TNRC6B: variants seen among roughly 807,000 people sequenced by gnomAD.
TNRC6B encodes the protein trinucleotide repeat containing adaptor 6B.
A neutral mutation model predicts 203.6 loss-of-function variants in TNRC6B; 52 were observed. The observed-to-expected ratio is 0.26, with a 90% CI of 0.20 to 0.32. The LOEUF is 0.32. Ranked by LOEUF, TNRC6B falls within the 10% of genes least tolerant of loss-of-function variation. TNRC6B has a pLI of 1.00. For synonymous variants in TNRC6B, 838 were observed against 845.7 expected (o/e 0.99, Z 0.16); for missense variants, 1,923 against 2,286.2 (o/e 0.84, Z 3.24).
chr22:40,168,479 G>A (rs1243001629), intron 4 of TNRC6B, among the ~76,000 whole-genome samples: 11 of 152,102 alleles, frequency 7.2e-5, no homozygotes, highest in Non-Finnish European at 1.3e-4. Flanking sequence ...TCCTCCAAAC[G>A]CAGATTTAAC....
chr22:40,305,942 T>C (rs1269394880), intron 15 of TNRC6B, among the ~76,000 whole-genome samples: 1 of 152,192 alleles, frequency 6.6e-6, no homozygotes, highest in Non-Finnish European at 1.5e-5. Context: ...GCTATAACTT[T>C]AATTTTCTGC....
intron 2 of TNRC6B, among the ~76,000 whole-genome samples, chr22:40,123,386 A>G (rs1218149308): frequency 2.0e-5 from 3 of 152,222 alleles, no homozygotes; most frequent in Admixed American, 1.3e-4. Context: ...GCCAAATAGG[A>G]GAATCCAGAA....
At chr22:40,051,231 G>A (rs1357396214) in intron 1 of TNRC6B, among the ~76,000 whole-genome samples, 1 of 152,160 alleles carries the variant, frequency 6.6e-6, no homozygotes, top group African/African-American at 2.4e-5. Flanking sequence ...AATTGCTGAA[G>A]AGGACACCAA....
intron 18 of TNRC6B, 125 bp from the exon 19 acceptor site, chr22:40,312,777 A>G: frequency 6.8e-7 from 1 of 1,480,712 alleles, no homozygotes; most frequent in Non-Finnish European, 9.3e-7. Context: ...ATTGCTTTTC[A>G]CTTTTATTTG....
chr22:40,074,069 CA>C (rs34190410), intron 1 of TNRC6B, among the ~76,000 whole-genome samples: 38,068 of 95,332 alleles, frequency 0.4, 7,235 homozygotes, highest in African/African-American at 0.64. Context: ...AACTCCATCT[CA>C]AAAAAAAAAA....
chr22:40,225,640 G>A (rs1269799958), intron 1 of TNRC6B, among the ~76,000 whole-genome samples: 3 of 151,158 alleles, frequency 2.0e-5, no homozygotes, highest in African/African-American at 7.3e-5. Flanking sequence ...CTACGCGGGA[G>A]GCTGAGGCAG....
Position 40,262,246 on chromosome 22 carries a change from A to G in TNRC6B, c.457+73A>G. 20 of 1,273,592 alleles carry G rather than the reference A, an allele frequency of 1.6e-5. No homozygotes were observed. In the Middle Eastern group the frequency reaches 1.3e-3, roughly 83 times the overall value. The allele number at this position is 1,273,592 out of a possible 1,614,324, so 78.9% of individuals were successfully genotyped here. On this transcript the variant is annotated intron_variant, in intron 4 of 22. Transcript: ENST00000454349. ...GCACTTTGTTTGCATTGCTTGATGT[A>G]AAGTCCAGGAAAGCCATTCATTATA...
intron 4 of TNRC6B, among the ~76,000 whole-genome samples, chr22:40,165,073 C>T (rs764940826): frequency 1.3e-5 from 2 of 150,308 alleles, no homozygotes; most frequent in Non-Finnish European, 3.0e-5. Flanking sequence ...TGAGCCACCG[C>T]ACCCACCCCT....
intron 1 of TNRC6B, among the ~76,000 whole-genome samples, chr22:40,098,053 G>A (rs558289076): frequency 2.8e-4 from 43 of 151,322 alleles, no homozygotes; most frequent in Admixed American, 9.9e-4. Context: ...TACTTGTGAG[G>A]TGTGTGTGTG....
intron 15 of TNRC6B, among the ~76,000 whole-genome samples, chr22:40,306,189 A>C (rs2071085769): frequency 1.3e-5 from 2 of 152,176 alleles, no homozygotes; most frequent in South Asian, 4.1e-4. Context: ...GCTGCTCGGG[A>C]GGCTAAGGCA....
chr22:40,295,195 G>A (rs895000506), intron 12 of TNRC6B, among the ~76,000 whole-genome samples: 1 of 152,180 alleles, frequency 6.6e-6, no homozygotes, highest in Non-Finnish European at 1.5e-5. Flanking sequence ...GAAAAGATGG[G>A]CCAAGCATGG....
intron 1 of TNRC6B, among the ~76,000 whole-genome samples, chr22:40,222,138 T>C (rs1385951005): frequency 6.6e-6 from 1 of 152,102 alleles, no homozygotes. Flanking sequence ...AGTCCCTTCC[T>C]AAAAGTAAAA....
In TNRC6B at chr22:40,321,221, A is replaced by G. The variant is rs963398682; in HGVS notation, c.5106A>G (p.Ala1702=). The G allele has an allele frequency of 1.9e-6, 3 of 1,613,884 alleles. No homozygotes were observed. The highest frequency in any genetic ancestry group is 2.5e-6 in the Non-Finnish European group (3 of 1,179,894). ...AGGAGGCGGCCAAGGCCCAAACTGC[A>G]CTGCACATGTGAGTATTCGGTCCTA... ...TKQEAAKAQT[A]LHMCVLGNTT... Residue 1702 remains alanine, a synonymous_variant, in exon 22 of 23, where the codon GCA becomes GCG. Coordinates refer to ENST00000454349, the MANE Select transcript of TNRC6B (RefSeq NM_001162501.2).
intron 12 of TNRC6B, among the ~76,000 whole-genome samples, chr22:40,293,653 G>A (rs938133685): frequency 2.0e-5 from 3 of 151,862 alleles, no homozygotes; most frequent in Admixed American, 6.6e-5. Context: ...GGGAATAATG[G>A]GTTCTTGCCC....
chr22:40,178,303 G>A (rs1455406845), intron 1 of TNRC6B, among the ~76,000 whole-genome samples, 163 bp downstream of exon 1: 2 of 152,124 alleles, frequency 1.3e-5, no homozygotes, highest in Non-Finnish European at 2.9e-5. Flanking sequence ...CTTTGGTTCG[G>A]CATTTTAGAA....
At position 40,195,289 on chromosome 22, in the gene TNRC6B, A is replaced by G. The variant is rs1569015934; in HGVS notation, c.5+17149A>G. ...GGAAGTTTAGATATTTCAGATATTG[A>G]AAATATAGAGCAAATAGATCATCTG... On this transcript the variant is annotated intron_variant, in intron 1 of 22. Transcript: ENST00000454349. Among the ~76,000 whole-genome samples the G allele has an allele frequency of 2.6e-5, 4 of 152,228 alleles. No individual in the cohort carries two copies. The South Asian group carries it at 8.3e-4, about 32-fold the overall frequency.
At chr22:40,046,746 A>G (rs6001733) in intron 1 of TNRC6B, among the ~76,000 whole-genome samples, 55,297 of 149,480 alleles carry the variant, frequency 0.37, 14,819 homozygotes, top group African/African-American at 0.77. Flanking sequence ...CCGGGTTCAC[A>G]CCATTCTCCT....
At chr22:40,075,794 A>G (rs1339916706) in intron 1 of TNRC6B, among the ~76,000 whole-genome samples, 1 of 151,910 alleles carries the variant, frequency 6.6e-6, no homozygotes, top group Non-Finnish European at 1.5e-5. Flanking sequence ...CAGTTGCTTT[A>G]TGGCTTAAAA....
chr22:40,204,862 T>C (rs2146412528), intron 1 of TNRC6B, among the ~76,000 whole-genome samples: 1 of 152,350 alleles, frequency 6.6e-6, no homozygotes, highest in South Asian at 2.1e-4. Context: ...AAAATGGGCA[T>C]AGGAAAAATG....
Sources: allele counts gnomAD v4.1 joint callset (sites outside exome capture counted in the v4.1 genomes callset), GRCh38; gene constraint gnomAD v4.1.1; transcripts MANE v1.5; gene names NCBI Gene and HGNC (gene_info 2026-07-23, HGNC 2026-07-21).